UNC13B: variants seen among roughly 807,000 people sequenced by gnomAD.
UNC13B encodes unc-13 homolog B, also known as protein unc-13 homolog B.
A neutral mutation model predicts 211.0 loss-of-function variants in UNC13B; 144 were observed. That is an observed-to-expected ratio of 0.68 (90% CI 0.60 to 0.78). The LOEUF (loss-of-function observed/expected upper bound fraction) is 0.78. UNC13B is among the 30% of genes least tolerant of loss of function. The pLI is 0.00. For missense variants in UNC13B, 1,777 were observed against 2,002.0 expected (o/e 0.89, Z 2.14); for synonymous variants, 709 against 725.8 (o/e 0.98, Z 0.37).
chr9:35,317,041 T>A (rs564395494), intron 11 of UNC13B, among the ~76,000 whole-genome samples: 1 of 152,286 alleles, frequency 6.6e-6, no homozygotes, highest in South Asian at 2.1e-4. Flanking sequence ...TTTTAATTTT[T>A]ATAATATATA....
Position 35,162,015 on chromosome 9 carries a change from G to C in UNC13B, c.-269G>C, listed in dbSNP as rs1011689210. On this transcript the variant is annotated 5_prime_UTR_variant, in exon 1 of 40. Transcript: ENST00000635942. The stretch of plus-strand genomic sequence containing the variant: ...GGGTGGAATGACGGGAGGGAGTCCC[G>C]GCAGCTCCTACCTCCCAGCGATGGC... 3.4e-5 allele frequency: 18 copies of C among 531,856 alleles called. No homozygotes were observed. The highest frequency in any genetic ancestry group is 1.0e-4 in the African/African-American group (5 of 49,164). The allele number at this position is 531,856 out of a possible 1,614,324, so 32.9% of individuals were successfully genotyped here. A position where few individuals can be genotyped will look rare whatever the true frequency, so the allele number is the denominator to read the frequency against.
intron 1 of UNC13B, among the ~76,000 whole-genome samples, chr9:35,207,533 C>A (rs1401232557): frequency 6.8e-6 from 1 of 147,742 alleles, no homozygotes; most frequent in Non-Finnish European, 1.5e-5. Context: ...GGGGATCTCC[C>A]TGTGTTACCC....
intron 7 of UNC13B, among the ~76,000 whole-genome samples, chr9:35,272,491 C>G (rs1167617522): frequency 6.6e-6 from 1 of 152,086 alleles, no homozygotes; most frequent in Non-Finnish European, 1.5e-5. Context: ...CTCCTGACCT[C>G]AAGTGATCTA....
intron 1 of UNC13B, among the ~76,000 whole-genome samples, chr9:35,222,987 A>G (rs1244489685): frequency 6.6e-6 from 1 of 152,152 alleles, no homozygotes; most frequent in Non-Finnish European, 1.5e-5. Flanking sequence ...ACTTAACATG[A>G]TGCTATCCAG....
intron 12 of UNC13B, among the ~76,000 whole-genome samples, chr9:35,368,896 C>T (rs1833944805): frequency 6.6e-6 from 1 of 152,090 alleles, no homozygotes. Flanking sequence ...GTTGCTTCTT[C>T]AGTGATCTTT....
At chr9:35,359,888 A>G (rs969272119) in intron 11 of UNC13B, among the ~76,000 whole-genome samples, 5 of 152,094 alleles carry the variant, frequency 3.3e-5, no homozygotes, top group African/African-American at 1.2e-4. Flanking sequence ...AGTAATCCCC[A>G]TAGAGCATGA....
chr9:35,387,309 A>G (rs950704445), intron 24 of UNC13B, among the ~76,000 whole-genome samples: 2 of 152,228 alleles, frequency 1.3e-5, no homozygotes, highest in Non-Finnish European at 2.9e-5. Context: ...TTGGACATTT[A>G]TCTTTAAGTA....
At chr9:35,387,317 G>T (rs1002508217) in intron 24 of UNC13B, among the ~76,000 whole-genome samples, 3 of 152,184 alleles carry the variant, frequency 2.0e-5, no homozygotes, top group Admixed American at 6.5e-5. Flanking sequence ...TTATCTTTAA[G>T]TAACTACATC....
intron 11 of UNC13B, among the ~76,000 whole-genome samples, chr9:35,337,855 AG>A: frequency 6.6e-6 from 1 of 152,338 alleles, no homozygotes; most frequent in South Asian, 2.1e-4. Flanking sequence ...CAAGCCATAA[AG>A]AACTGAGGGG....
At chr9:35,220,220 A>G (rs1045159994) in intron 1 of UNC13B, among the ~76,000 whole-genome samples, 3 of 152,030 alleles carry the variant, frequency 2.0e-5, no homozygotes, top group Non-Finnish European at 4.4e-5. Context: ...TTAAAGGCAT[A>G]CAGTGCTTAA....
In UNC13B at chr9:35,306,485, G is replaced by A; in HGVS notation, c.7081G>A (p.Ala2361Thr). The change falls in exon 9 of 40, where the codon GCT becomes ACT. Residue 2361 changes from alanine (A) to threonine (T), a missense_variant. Ala to Thr is a moderately conservative substitution (Grantham distance 58). Transcript: ENST00000635942. ...NLGIAPHEEEAFNHKAFPSDS... is the reference protein window; with the variant it reads ...NLGIAPHEEETFNHKAFPSDS... ...TGGGATAGCTCCCCATGAAGAAGAG[G>A]CTTTCAACCACAAAGCCTTCCCCAG... 3 of 398,994 alleles carry A rather than the reference G, an allele frequency of 7.5e-6. No homozygotes were observed. Among genetic ancestry groups the A allele is most frequent in the East Asian group, 3.6e-5 (1 of 28,074 alleles). 24.7% of individuals were successfully genotyped at this position (398,994 alleles called of 1,614,324 possible). A position where few individuals can be genotyped will look rare whatever the true frequency, so the allele number is the denominator to read the frequency against.
At chr9:35,173,169 A>G (rs536712335) in intron 1 of UNC13B, among the ~76,000 whole-genome samples, 23 of 152,322 alleles carry the variant, frequency 1.5e-4, no homozygotes, top group Non-Finnish European at 1.8e-4. Flanking sequence ...TTGCTTTTAT[A>G]TAATTAGAGT....
chr9:35,228,204 T>C (rs1824967181), intron 2 of UNC13B, among the ~76,000 whole-genome samples, 160 bp downstream of exon 2: 1 of 152,202 alleles, frequency 6.6e-6, no homozygotes, highest in African/African-American at 2.4e-5. Context: ...ATTAGTTTTC[T>C]TACCTCTTGG....
At chr9:35,213,064 A>G (rs749403174) in intron 1 of UNC13B, among the ~76,000 whole-genome samples, 3 of 152,200 alleles carry the variant, frequency 2.0e-5, no homozygotes, top group Non-Finnish European at 4.4e-5. Flanking sequence ...ATAACACACA[A>G]TATATTGAGT....
At chr9:35,343,051 C>T (rs1832112379) in intron 11 of UNC13B, among the ~76,000 whole-genome samples, 1 of 152,232 alleles carries the variant, frequency 6.6e-6, no homozygotes, top group South Asian at 2.1e-4. Flanking sequence ...GCGCAATAGA[C>T]AGTCTGTCCA....
At chr9:35,198,683 G>A (rs2131367258) in intron 1 of UNC13B, among the ~76,000 whole-genome samples, 1 of 152,258 alleles carries the variant, frequency 6.6e-6, no homozygotes, top group South Asian at 2.1e-4. Context: ...CTGTCTTAGA[G>A]ACTTGTTAAA....
intron 31 of UNC13B, 69 bp downstream of exon 31, chr9:35,398,357 AC>A: frequency 6.5e-7 from 1 of 1,533,582 alleles, no homozygotes; most frequent in South Asian, 1.2e-5. Context: ...ATAGAACTCC[AC>A]CCTCTCTTAA....
Position 35,381,673 on chromosome 9 carries a change from G to A in UNC13B, c.10609G>A (p.Glu3537Lys). Residue 3537 changes from glutamate to lysine, a missense_variant, in exon 20 of 40, where the codon GAA becomes AAA. Transcript: ENST00000635942. ...TGAGACAGCCCAAGAAATTGTGGAT[G>A]AATTTGCCATGCGTTATGGCATTGA... Reference protein sequence around the residue: ...FDETAQEIVDEFAMRYGIESI... With the variant: ...FDETAQEIVDKFAMRYGIESI... The A allele has an allele frequency of 6.2e-7, 1 of 1,614,186 alleles. No homozygotes were observed.
In UNC13B at chr9:35,162,165, A is replaced by T. The variant is rs1820810763; in HGVS notation, c.-119A>T. ...CGGGACGCTACCTGCGACCGGGACC[A>T]TGAGGAGCTGCCAGACCCGTGGGGC... On this transcript the variant is annotated 5_prime_UTR_variant, in exon 1 of 40. The change abolishes an upstream ATG in the 5' untranslated region. Transcript: ENST00000635942. 5 of 1,455,704 alleles carry T rather than the reference A, an allele frequency of 3.4e-6. No individual in the cohort carries two copies. The highest frequency in any genetic ancestry group is 4.7e-6 in the Non-Finnish European group (5 of 1,075,070). The allele number at this position is 1,455,704 out of a possible 1,614,324, so 90.2% of individuals were successfully genotyped here.
Sources: allele counts gnomAD v4.1 joint callset (sites outside exome capture counted in the v4.1 genomes callset), GRCh38; gene constraint gnomAD v4.1.1; transcripts MANE v1.5; gene names NCBI Gene and HGNC (gene_info 2026-07-23, HGNC 2026-07-21).